Variants in HTR1F observed in about 807,000 individuals in gnomAD.
The protein encoded by HTR1F is 5-hydroxytryptamine (serotonin) receptor 1F, G protein-coupled.
HTR1F carries 17 observed loss-of-function variants against 24.0 expected under a neutral mutation model. The ratio of observed to expected loss-of-function variants is 0.71; its 90% CI spans 0.48 to 1.06. HTR1F has a LOEUF of 1.06. HTR1F is among the 50% of genes least tolerant of loss of function. HTR1F has a pLI of 0.00. For synonymous variants in HTR1F, 186 were observed against 156.8 expected (o/e 1.19, Z -1.39); for missense variants, 391 against 427.8 (o/e 0.91, Z 0.76).
At chr3:87,916,056 C>T (rs1238428371) in intron 2 of HTR1F, among the ~76,000 whole-genome samples, 1 of 152,036 alleles carries the variant, frequency 6.6e-6, no homozygotes. Flanking sequence ...CTATCTTCAG[C>T]CTCCTCAAAC....
chr3:87,919,113 T>C (rs1228449144), intron 2 of HTR1F, among the ~76,000 whole-genome samples: 14 of 151,748 alleles, frequency 9.2e-5, no homozygotes, highest in Admixed American at 2.6e-4. Context: ...AACAAAAACA[T>C]AAAGTGGAGA....
chr3:87,951,669 T>A (rs148251273), intron 2 of HTR1F, among the ~76,000 whole-genome samples: 163 of 152,026 alleles, frequency 1.1e-3, no homozygotes, highest in African/African-American at 3.8e-3. Flanking sequence ...TCATCAAGAG[T>A]CCATAGTTCA....
At chr3:87,935,562 C>T (rs2107422037) in intron 2 of HTR1F, among the ~76,000 whole-genome samples, 1 of 152,024 alleles carries the variant, frequency 6.6e-6, no homozygotes, top group African/African-American at 2.4e-5. Context: ...GAAAGACCTA[C>T]CTCCAAAATT....
intron 2 of HTR1F, among the ~76,000 whole-genome samples, chr3:87,847,419 T>G (rs1024690303): frequency 3.3e-5 from 5 of 151,904 alleles, no homozygotes; most frequent in Non-Finnish European, 5.9e-5. Flanking sequence ...ATAGACAATA[T>G]TTTACATATT....
chr3:87,866,424 T>C (rs1036655062), intron 2 of HTR1F, among the ~76,000 whole-genome samples: 2 of 152,140 alleles, frequency 1.3e-5, no homozygotes, highest in African/African-American at 4.8e-5. Flanking sequence ...TATAAATCCT[T>C]TGACCGAAAA....
At chr3:87,812,265 C>T (rs529199957) in intron 1 of HTR1F, among the ~76,000 whole-genome samples, 13 of 152,206 alleles carry the variant, frequency 8.5e-5, no homozygotes, top group African/African-American at 2.6e-4. Flanking sequence ...GGGAAAAATT[C>T]GATCTTCCTA....
intron 2 of HTR1F, among the ~76,000 whole-genome samples, chr3:87,901,588 T>C (rs1006296064): frequency 5.9e-5 from 9 of 152,140 alleles, no homozygotes; most frequent in Non-Finnish European, 1.0e-4. Flanking sequence ...TCTATTATTA[T>C]TACTACTATT....
intron 2 of HTR1F, among the ~76,000 whole-genome samples, chr3:87,930,766 C>G (rs777344747): frequency 5.3e-5 from 8 of 152,084 alleles, no homozygotes; most frequent in East Asian, 1.9e-4. Flanking sequence ...AAAATATGAA[C>G]AGTGCCTAAC....
At chr3:87,976,624 A>C (rs1167997921) in intron 2 of HTR1F, among the ~76,000 whole-genome samples, 5 of 152,262 alleles carry the variant, frequency 3.3e-5, no homozygotes, top group Admixed American at 6.5e-5. Flanking sequence ...ATAATTTAAC[A>C]TATTTTTATT....
At chr3:87,838,621 G>A (rs1704732290) in intron 2 of HTR1F, among the ~76,000 whole-genome samples, 1 of 151,964 alleles carries the variant, frequency 6.6e-6, no homozygotes, top group Non-Finnish European at 1.5e-5. Context: ...TAGCTGAAGA[G>A]TTTTACATTT....
chr3:87,948,440 G>A (rs1274072193), intron 2 of HTR1F, among the ~76,000 whole-genome samples: 2 of 151,774 alleles, frequency 1.3e-5, no homozygotes, highest in Non-Finnish European at 2.9e-5. Context: ...CAAGTAAGAG[G>A]AAAGTCACAT....
At chr3:87,870,274 T>G (rs1468913790) in intron 2 of HTR1F, among the ~76,000 whole-genome samples, 1 of 152,124 alleles carries the variant, frequency 6.6e-6, no homozygotes, top group Non-Finnish European at 1.5e-5. Context: ...TCAAGGAATA[T>G]TCTCAGGATG....
At position 87,827,796 on chromosome 3, in the gene HTR1F, T is replaced by C. The variant is rs572838563; in HGVS notation, c.-43+5672T>C. Among the ~76,000 whole-genome samples, 15 of 152,264 alleles carry C rather than the reference T, an allele frequency of 9.9e-5. No individual in the cohort carries two copies. The South Asian group carries it at 2.1e-3, about 21-fold the overall frequency. On this transcript the variant is annotated intron_variant, in intron 2 of 2. Coordinates refer to ENST00000319595, the MANE Select transcript of HTR1F (RefSeq NM_001322209.2). ...TGGTCCTGAGAGAAAACCTCGTTGA[T>C]TGGAAAAGGGTGAGGTGATCTAGGA...
At chr3:87,872,187 G>A (rs1705573273) in intron 2 of HTR1F, among the ~76,000 whole-genome samples, 1 of 152,046 alleles carries the variant, frequency 6.6e-6, no homozygotes, top group African/African-American at 2.4e-5. Flanking sequence ...CGCTAAGAAA[G>A]TTAAATGCTA....
intron 2 of HTR1F, among the ~76,000 whole-genome samples, chr3:87,898,510 A>T (rs1330734659): frequency 3.9e-5 from 6 of 152,180 alleles, no homozygotes; most frequent in Admixed American, 3.9e-4. Flanking sequence ...TTAGCTATTA[A>T]TAAGATAAAG....
At chr3:87,856,494 A>G (rs1705202089) in intron 2 of HTR1F, among the ~76,000 whole-genome samples, 1 of 152,132 alleles carries the variant, frequency 6.6e-6, no homozygotes, top group Non-Finnish European at 1.5e-5. Flanking sequence ...ATATTTGAAC[A>G]TAATTTGAAA....
Position 87,847,928 on chromosome 3 carries a change from G to A in HTR1F, c.-43+25804G>A, listed in dbSNP as rs148017383. ...TGCATATATACCACATTTTAAATGC[G>A]TTTGTTCACTGATGACACGTTGATT... On this transcript the variant is annotated intron_variant, in intron 2 of 2. Coordinates refer to ENST00000319595, the MANE Select transcript of HTR1F (RefSeq NM_001322209.2). Among the ~76,000 whole-genome samples the A allele has an allele frequency of 8.6e-5, 13 of 151,936 alleles. No individual in the cohort carries two copies. In the East Asian group the frequency reaches 1.2e-3, roughly 14 times the overall value.
At chr3:87,900,489 G>T (rs1706297270) in intron 2 of HTR1F, among the ~76,000 whole-genome samples, 2 of 152,180 alleles carry the variant, frequency 1.3e-5, no homozygotes, top group South Asian at 4.1e-4. Context: ...CTGAAGCAAT[G>T]GAGGGGCATG....
intron 2 of HTR1F, among the ~76,000 whole-genome samples, chr3:87,951,308 C>T (rs1324922977): frequency 2.0e-5 from 3 of 152,078 alleles, no homozygotes; most frequent in Non-Finnish European, 2.9e-5. Flanking sequence ...TTACTATGTG[C>T]TAGACACTGT....
Sources: gnomAD v4.1 joint callset for allele counts (sites outside exome capture counted in the v4.1 genomes callset) on GRCh38, gnomAD v4.1.1 for gene constraint, MANE v1.5 for transcripts, NCBI Gene and HGNC (gene_info 2026-07-23, HGNC 2026-07-21) for gene names.